Variants in DACH2 observed in about 807,000 individuals in gnomAD.
DACH2 encodes the protein dachshund homolog 2.
DACH2 carries 17 observed loss-of-function variants against 35.8 expected under a neutral mutation model. The observed-to-expected ratio is 0.48, with a 90% confidence interval of 0.33 to 0.71. DACH2 has a LOEUF of 0.71. DACH2 is among the 30% of genes least tolerant of loss of function. The pLI, the probability that DACH2 is intolerant of heterozygous loss-of-function variation, is 0.02. For missense variants in DACH2, 469 were observed against 472.7 expected (o/e 0.99, Z 0.07); for synonymous variants, 195 against 177.3 (o/e 1.10, Z -0.79).
At chrX:86,317,130 A>AC (rs1445201074) in intron 1 of DACH2, among the ~76,000 whole-genome samples, 1 of 109,443 alleles carries the variant, frequency 9.1e-6, no homozygotes, top group Non-Finnish European at 1.9e-5. Flanking sequence ...AAAAAAAAAA[A>AC]AAAGGAATAT....
chrX:86,502,011 T>TTTCCTTCCTTCCTTCCTTCCTTCC (rs533021751), intron 2 of DACH2, among the ~76,000 whole-genome samples: 1 of 95,532 alleles, frequency 1.0e-5, no homozygotes, highest in African/African-American at 3.8e-5. Flanking sequence ...TCTTTCCTTC[T>TTTCCTTCCTTCCTTCCTTCCTTCC]TTCCTTCCTT....
At chrX:86,822,736 G>A (rs1239428242) in intron 11 of DACH2, among the ~76,000 whole-genome samples, 1 of 111,312 alleles carries the variant, frequency 9.0e-6, no homozygotes, top group Non-Finnish European at 1.9e-5. Flanking sequence ...CTAAAACCGG[G>A]TGTAATTTAA....
intron 1 of DACH2, among the ~76,000 whole-genome samples, chrX:86,278,515 G>A (rs2033961796): frequency 8.9e-6 from 1 of 112,389 alleles, no homozygotes; most frequent in African/African-American, 3.2e-5. Context: ...TGGCAAAAAT[G>A]TGTTGATTGT....
At chrX:86,392,257 C>A (rs2036216108) in intron 2 of DACH2, among the ~76,000 whole-genome samples, 1 of 111,368 alleles carries the variant, frequency 9.0e-6, no homozygotes. Flanking sequence ...CTGTTCTTGG[C>A]AAACATTTTA....
chrX:86,751,317 A>G (rs774776568), intron 7 of DACH2, among the ~76,000 whole-genome samples: 3 of 111,357 alleles, frequency 2.7e-5, no homozygotes, highest in Non-Finnish European at 3.8e-5. Context: ...AGATTGGTTC[A>G]ACATATAAAA....
intron 1 of DACH2, among the ~76,000 whole-genome samples, chrX:86,273,208 A>AT (rs1259543756): frequency 1.8e-5 from 2 of 112,019 alleles, no homozygotes; most frequent in East Asian, 2.8e-4. Context: ...AACATTATGT[A>AT]TTTTTTTACC....
rs747748445 is a variant in DACH2, at chrX:86,518,520, A to G, written c.640+4129A>G. ...CATTTTAATGATATTGATTATTCCC[A>G]TCCATGAGCATGGGATGTTTTTCAA... On this transcript the variant is annotated intron_variant, in intron 3 of 11. Transcript: ENST00000373125. Among the ~76,000 whole-genome samples, 15 of 112,240 alleles carry G rather than the reference A, an allele frequency of 1.3e-4. No homozygotes were observed. The South Asian group carries it at 4.8e-3, about 36-fold the overall frequency.
At chrX:86,403,352 C>T (rs750657100) in intron 2 of DACH2, among the ~76,000 whole-genome samples, 1 of 111,647 alleles carries the variant, frequency 9.0e-6, no homozygotes, top group East Asian at 2.8e-4. Context: ...CAAAAAACTT[C>T]ATTAAAAAAT....
chrX:86,509,307 C>T (rs1008873137), intron 2 of DACH2, among the ~76,000 whole-genome samples: 3 of 111,872 alleles, frequency 2.7e-5, no homozygotes, highest in Non-Finnish European at 5.6e-5. Context: ...TTCCCATGAA[C>T]CAAGAGCTGA....
intron 2 of DACH2, among the ~76,000 whole-genome samples, chrX:86,441,908 G>A (rs897283424): frequency 9.5e-6 from 1 of 105,336 alleles, no homozygotes; most frequent in Non-Finnish European, 1.9e-5. Context: ...TTAGTGACAG[G>A]GTCTTGCTCT....
At chrX:86,675,248 T>C (rs1409764524) in intron 4 of DACH2, among the ~76,000 whole-genome samples, 1 of 111,523 alleles carries the variant, frequency 9.0e-6, no homozygotes, top group Non-Finnish European at 1.9e-5. Flanking sequence ...AACTTAATAA[T>C]TGTACAAGAA....
At chrX:86,824,146 G>T (rs2042540284) in intron 11 of DACH2, among the ~76,000 whole-genome samples, 1 of 110,621 alleles carries the variant, frequency 9.0e-6, no homozygotes, top group Non-Finnish European at 1.9e-5. Context: ...AGGAGACCAG[G>T]GTGTATTTGA....
At chrX:86,369,357 T>A (rs1322565044) in intron 1 of DACH2, among the ~76,000 whole-genome samples, 1 of 111,361 alleles carries the variant, frequency 9.0e-6, no homozygotes, top group African/African-American at 3.3e-5. Context: ...TATTTTATTT[T>A]AAAATCCTTG....
At chrX:86,659,051 G>GA (rs1205163585) in intron 4 of DACH2, among the ~76,000 whole-genome samples, 12 of 111,208 alleles carry the variant, frequency 1.1e-4, no homozygotes, top group African/African-American at 3.6e-4. Context: ...AGTTGAATTA[G>GA]AAAATCCCAA....
At chrX:86,593,213 G>C (rs1294112758) in intron 3 of DACH2, among the ~76,000 whole-genome samples, 2 of 109,938 alleles carry the variant, frequency 1.8e-5, no homozygotes, top group Non-Finnish European at 3.8e-5. Context: ...CTTGTTGAGA[G>C]TTTTTAAGGT....
At chrX:86,785,344 G>T (rs1015713660) in intron 7 of DACH2, among the ~76,000 whole-genome samples, 7 of 110,799 alleles carry the variant, frequency 6.3e-5, no homozygotes, top group Non-Finnish European at 1.3e-4. Context: ...TCATGAAATT[G>T]GACAGAATCA....
intron 1 of DACH2, among the ~76,000 whole-genome samples, chrX:86,338,905 A>T (rs1216267634): frequency 8.9e-6 from 1 of 112,296 alleles, no homozygotes; most frequent in Non-Finnish European, 1.9e-5. Context: ...TCCCACAGAA[A>T]TACAAACTAC....
intron 1 of DACH2, among the ~76,000 whole-genome samples, chrX:86,238,254 A>G (rs1184328218): frequency 8.9e-6 from 1 of 112,073 alleles, no homozygotes; most frequent in Non-Finnish European, 1.9e-5. Flanking sequence ...TCTCCTAATG[A>G]TATGGGAAGC....
intron 1 of DACH2, among the ~76,000 whole-genome samples, chrX:86,361,676 A>G (rs768951448): frequency 2.7e-5 from 3 of 112,016 alleles, no homozygotes; most frequent in Non-Finnish European, 5.7e-5. Flanking sequence ...ACTATTACAT[A>G]AAGATATAAA....
Sources: gnomAD v4.1 joint callset for allele counts (sites outside exome capture counted in the v4.1 genomes callset) on GRCh38, gnomAD v4.1.1 for gene constraint, MANE v1.5 for transcripts, NCBI Gene and HGNC (gene_info 2026-07-23, HGNC 2026-07-21) for gene names.